The following CRYBG2 variants were observed in gnomAD, a reference collection of about 807,000 sequenced individuals.
CRYBG2 encodes the protein crystallin beta-gamma domain containing 2.
Under a neutral mutation model 153.4 loss-of-function variants are expected in CRYBG2, and 106 were observed. The ratio of observed to expected loss-of-function variants is 0.69; its 90% CI spans 0.59 to 0.81. CRYBG2 has a LOEUF of 0.81. Ranked by LOEUF, CRYBG2 falls within the 30% of genes least tolerant of loss-of-function variation. The pLI, the probability that CRYBG2 is intolerant of heterozygous loss-of-function variation, is 0.00. For synonymous variants in CRYBG2, 851 were observed against 877.8 expected, an observed-to-expected ratio of 0.97 and a Z score of 0.54; for missense variants, 1,996 against 2,112.0, an observed-to-expected ratio of 0.95 and a Z score of 1.08.
rs2074083025 is a variant in CRYBG2, at chr1:26,338,003, G to C, written c.3507+9C>G. ...AGGCCCTCTTTGGCTCTTAAGCCCA[G>C]ACTCTTACCCTGGGCTCCCCTGGCT... is the stretch of plus-strand genomic sequence containing the variant. On this transcript the variant is annotated intron_variant, in intron 8 of 19. Coordinates refer to ENST00000308182, the MANE Select transcript of CRYBG2 (RefSeq NM_001039775.4). The C allele has an allele frequency of 1.2e-6, 2 of 1,612,328 alleles. No homozygotes were observed. The highest frequency in any genetic ancestry group is 1.7e-6 in the Non-Finnish European group (2 of 1,179,296).
intron 18 of CRYBG2, among the ~76,000 whole-genome samples, chr1:26,323,452 C>T (rs2073883865): frequency 6.6e-6 from 1 of 151,990 alleles, no homozygotes; most frequent in Non-Finnish European, 1.5e-5. Flanking sequence ...GATATTCTGC[C>T]CATTTAAGTT....
At chr1:26,322,103 G>C in intron 19 of CRYBG2, 47 bp from the exon 20 acceptor site, 2 of 1,599,034 alleles carry the variant, frequency 1.3e-6, no homozygotes, top group Non-Finnish European at 1.7e-6. Context: ...GTCAGAGAGA[G>C]CTGGGACTCC....
chr1:26,342,986 ACT>A, intron 4 of CRYBG2, 59 bp downstream of exon 4: 1 of 1,538,436 alleles, frequency 6.5e-7, no homozygotes, highest in East Asian at 2.4e-5. Flanking sequence ...GTCACTCCTC[ACT>A]CCCCTCTGCA....
intron 14 of CRYBG2, among the ~76,000 whole-genome samples, chr1:26,334,247 AC>A (rs1350002413): frequency 4.6e-5 from 7 of 151,352 alleles, no homozygotes. Flanking sequence ...ACAAAGTGAG[AC>A]CCCCATCTCT....
chr1:26,336,385 CG>C lies in CRYBG2; in HGVS notation c.4039-16del. On this transcript the variant is annotated splice_polypyrimidine_tract_variant and intron_variant, in intron 12 of 19. Transcript: ENST00000308182. This position sits in a 1 kb window ranked among gnomAD's most constrained non-coding sequence, Gnocchi z 4.9. ...TGCTCCCCGACCTGAAGGTAGGGACCGAATCGAGAATTAGGGAGGGTGCCGG... is the reference window on the plus strand; with the variant it reads ...TGCTCCCCGACCTGAAGGTAGGGACCAATCGAGAATTAGGGAGGGTGCCGG... 6.2e-7 allele frequency: 1 copy of C among 1,612,774 alleles called. No individual in the cohort carries two copies. Among genetic ancestry groups the C allele is most frequent in the Non-Finnish European group, 8.5e-7 (1 of 1,179,402 alleles).
Position 26,346,464 on chromosome 1 carries a change from A to T in CRYBG2, c.194T>A (p.Val65Asp). 6.2e-7 allele frequency: 1 copy of T among 1,607,732 alleles called. No individual in the cohort carries two copies. Among genetic ancestry groups the T allele is most frequent in the Non-Finnish European group, 8.5e-7 (1 of 1,179,736 alleles). ...TTCTTCCTGTGTTGCAAAGCCATTG[A>T]CTTCCACTTCCTCTCGACGGCTGAA... is the stretch of plus-strand genomic sequence containing the variant. The part of the protein sequence containing the change: ...FEFSRREEVE[V>D]NGFATQEEET... The change falls in exon 2 of 20, where the codon GTC becomes GAC. Residue 65 changes from valine (V) to aspartate (D), a missense_variant. Val to Asp is a radical substitution (Grantham distance 152, BLOSUM62 -3). Transcript: ENST00000308182. The surrounding 1 kb of genome is among the most constrained non-coding windows in gnomAD (Gnocchi z 4.9).
In CRYBG2 at chr1:26,337,688, G is replaced by A. The variant is rs1222145859; in HGVS notation, c.3508-14C>T. 1.9e-6 allele frequency: 3 copies of A among 1,608,356 alleles called. No homozygotes were observed. The highest frequency in any genetic ancestry group is 2.2e-5 in the South Asian group (2 of 91,008). On this transcript the variant is annotated splice_polypyrimidine_tract_variant and intron_variant, in intron 8 of 19. Transcript: ENST00000308182. ...ATACACCACAGCCTGGGGGAAAGGGGCTGTCAGGAGTCATCTGGACCCAAA... is the reference window on the plus strand; with the variant it reads ...ATACACCACAGCCTGGGGGAAAGGGACTGTCAGGAGTCATCTGGACCCAAA...
At chr1:26,328,517 A>G (rs2073960321) in intron 16 of CRYBG2, 185 bp from the exon 17 acceptor site, 1 of 1,141,184 alleles carries the variant, frequency 8.8e-7, no homozygotes, top group Non-Finnish European at 1.2e-6. Flanking sequence ...TGGGGTTTTC[A>G]GGGTAAAGAA....
chr1:26,331,832 A>C (rs2074000308), intron 14 of CRYBG2, among the ~76,000 whole-genome samples: 1 of 152,198 alleles, frequency 6.6e-6, no homozygotes, highest in Non-Finnish European at 1.5e-5. Flanking sequence ...GAATTTGGCA[A>C]TATTAGGCAA....
rs997621101 is a variant in CRYBG2 at position 26,337,254 on chromosome 1, G to C, written c.3770C>G (p.Thr1257Arg). The C allele has an allele frequency of 1.2e-6, 2 of 1,613,984 alleles. No individual in the cohort carries two copies. The highest frequency in any genetic ancestry group is 3.3e-5 in the Admixed American group (2 of 60,006). ...ELLTSLRVIR[T>R]DFGDPAVVLF... The stretch of plus-strand genomic sequence containing the variant: ...GATGGGCCAATTGCCTTTGCTTACC[G>C]TCCGGATGACCCGGAGGGAGGTCAG... The change falls in exon 10 of 20, where the codon ACG becomes AGG. Residue 1257 changes from threonine to arginine, a missense_variant and splice_region_variant. Transcript: ENST00000308182.
intron 1 of CRYBG2, among the ~76,000 whole-genome samples, chr1:26,351,796 T>C (rs1023170921): frequency 6.6e-6 from 1 of 152,162 alleles, no homozygotes; most frequent in Non-Finnish European, 1.5e-5. Flanking sequence ...GCCCCGTCCC[T>C]GAACAGTCAT....
chr1:26,345,528 G>A lies in CRYBG2; in HGVS notation c.1130C>T (p.Thr377Ile). The A allele has an allele frequency of 6.2e-7, 1 of 1,600,166 alleles. No homozygotes were observed. Among genetic ancestry groups the A allele is most frequent in the South Asian group, 1.1e-5 (1 of 90,216 alleles). Residue 377 changes from threonine to isoleucine, a missense_variant, in exon 2 of 20, where the codon ACT becomes ATT. Coordinates refer to ENST00000308182, the MANE Select transcript of CRYBG2 (RefSeq NM_001039775.4). The stretch of plus-strand genomic sequence containing the variant: ...GGGAGTGAGCCGGGCCCCGGGGTGA[G>A]TGGGCACCACAGGCTGCTTTGCAGG... ...THPAKQPVVP[T>I]HPGARLTPLV...
chr1:26,348,805 C>G (rs1051297156), intron 1 of CRYBG2, among the ~76,000 whole-genome samples: 1 of 151,654 alleles, frequency 6.6e-6, no homozygotes, highest in African/African-American at 2.4e-5. Context: ...ATCCACCCGC[C>G]TTGGCCTCCC....
chr1:26,351,589 G>T (rs889286630), intron 1 of CRYBG2, among the ~76,000 whole-genome samples: 1 of 152,180 alleles, frequency 6.6e-6, no homozygotes, highest in Non-Finnish European at 1.5e-5. Flanking sequence ...CGACAGGAGA[G>T]CAATGTTAAA....
At chr1:26,332,518 G>A (rs1375485120) in intron 14 of CRYBG2, among the ~76,000 whole-genome samples, 1 of 151,790 alleles carries the variant, frequency 6.6e-6, no homozygotes. Flanking sequence ...TGTTGTTGTT[G>A]TTGTTGAGAT....
intron 1 of CRYBG2, among the ~76,000 whole-genome samples, chr1:26,351,963 C>A (rs1194416485): frequency 1.3e-5 from 2 of 152,138 alleles, no homozygotes; most frequent in African/African-American, 2.4e-5. Context: ...TTCTGCAGGG[C>A]CCCAGACCAG....
At chr1:26,333,340 C>T (rs1035761810) in intron 14 of CRYBG2, among the ~76,000 whole-genome samples, 4 of 151,876 alleles carry the variant, frequency 2.6e-5, no homozygotes, top group African/African-American at 7.3e-5. Flanking sequence ...GCGAGGTGGG[C>T]GGATCACCTG....
At chr1:26,335,984 G>C in intron 14 of CRYBG2, 111 bp downstream of exon 14, 1 of 878,798 alleles carries the variant, frequency 1.1e-6, no homozygotes, top group South Asian at 2.0e-5. Flanking sequence ...GCGCAAGACA[G>C]AACAGTTCAT....
chr1:26,333,096 AT>A (rs1443670683), intron 14 of CRYBG2, among the ~76,000 whole-genome samples: 21 of 139,950 alleles, frequency 1.5e-4, no homozygotes, highest in Non-Finnish European at 9.3e-5. Context: ...AGGGACAGAG[AT>A]GAAAGCTGTT....
Sources: allele counts gnomAD v4.1 joint callset (sites outside exome capture counted in the v4.1 genomes callset), GRCh38; gene constraint gnomAD v4.1.1; non-coding constraint Gnocchi (gnomAD v3.1); transcripts MANE v1.5; gene names NCBI Gene and HGNC (gene_info 2026-07-23, HGNC 2026-07-21).